MX2: variants seen among roughly 807,000 people sequenced by gnomAD.
The protein encoded by MX2 is interferon-induced GTP-binding protein Mx2.
In MX2, 51 loss-of-function variants were observed where a neutral mutation model predicts 74.0. That is an observed-to-expected ratio of 0.69 (90% confidence interval 0.55 to 0.87). The LOEUF is 0.87. Among genes scored for constraint, MX2 ranks in the 40% least tolerant of loss-of-function variants. The pLI is 0.00. For missense variants in MX2, 832 were observed against 908.7 expected (o/e 0.92, Z 1.09); for synonymous variants, 369 against 339.3 (o/e 1.09, Z -0.96).
In MX2 at chr21:41,406,811, G is replaced by A. The variant is rs755688399; in HGVS notation, c.1718G>A (p.Arg573Lys). Residue 573 changes from arginine (R) to lysine (K), a missense_variant, in exon 13 of 14, where the codon AGA (arginine) becomes AAA (lysine). Coordinates refer to ENST00000330714, the MANE Select transcript of MX2 (RefSeq NM_002463.2). ...KAENMIQLQF[R>K]MEQMVFCQDQ... is the part of the protein sequence containing the mutation. ...GAAAACATGATCCAACTTCAGTTCA[G>A]AATGGAGCAGATGGTTTTTTGTCAA... 8.1e-6 allele frequency: 13 copies of A among 1,614,266 alleles called. 1 individual carries two copies. The highest frequency in any genetic ancestry group is 1.0e-5 in the Non-Finnish European group (12 of 1,180,048).
chr21:41,391,934 G>A (rs547026326), intron 6 of MX2, among the ~76,000 whole-genome samples: 4 of 152,150 alleles, frequency 2.6e-5, no homozygotes, highest in Admixed American at 2.0e-4. Flanking sequence ...TCATCACCCA[G>A]GTATCAAGCC....
intron 1 of MX2, chr21:41,365,807 C>T (rs2089260739): frequency 6.6e-6 from 1 of 152,256 alleles, no homozygotes; most frequent in South Asian, 2.1e-4. Context: ...CACCAGACTG[C>T]TTTCCACATG....
chr21:41,362,750 C>CTTTTTTTTTTTTT (rs56903696), intron 1 of MX2, among the ~76,000 whole-genome samples: 2 of 82,166 alleles, frequency 2.4e-5, no homozygotes, highest in South Asian at 5.0e-4. Flanking sequence ...GTTTTTTTTT[C>CTTTTTTTTTTTTT]TTTTTTTTTT....
intron 5 of MX2, chr21:41,389,688 T>C (rs978397764): frequency 1.3e-5 from 2 of 152,238 alleles, no homozygotes; most frequent in Admixed American, 1.3e-4. Context: ...TCTTCTGTGT[T>C]GTCAGCTCGG....
intron 10 of MX2, 70 bp downstream of exon 10, chr21:41,399,407 A>ACTTATCATG: frequency 6.6e-7 from 1 of 1,505,294 alleles, no homozygotes; most frequent in Non-Finnish European, 9.0e-7. Flanking sequence ...TGTCCAGCAC[A>ACTTATCATG]TGATAAGTGT....
chr21:41,390,645 C>T lies in MX2; in HGVS notation c.813C>T (p.Ala271=), dbSNP rs1277764354. Reference sequence around the variant, plus strand: ...TGGTTCCCTGTAACGTGGACATTGCCACCACGGAGGCGCTGAGCATGGCCC... The same window carrying T: ...TGGTTCCCTGTAACGTGGACATTGCTACCACGGAGGCGCTGAGCATGGCCC... ...LVVVPCNVDI[A]TTEALSMAHE... Residue 271 remains alanine (A), a synonymous_variant, in exon 6 of 14, where the codon GCC becomes GCT. Transcript: ENST00000330714. 1 of 1,614,174 alleles carries T rather than the reference C, an allele frequency of 6.2e-7. No individual in the cohort carries two copies. The highest frequency in any genetic ancestry group is 8.5e-7 in the Non-Finnish European group (1 of 1,180,046).
In MX2 at chr21:41,407,013, G is replaced by T; in HGVS notation, c.1905+15G>T. 1 of 1,607,120 alleles carries T rather than the reference G, an allele frequency of 6.2e-7. No homozygotes were observed. Among genetic ancestry groups the T allele is most frequent in the Non-Finnish European group, 8.5e-7 (1 of 1,174,676 alleles). On this transcript the variant is annotated intron_variant, in intron 13 of 13. Transcript: ENST00000330714. ...CCTACTTCTTGGTGAGTTCCCGGCG[G>T]GGCAGGAGCCGTGCTCTCTGAAATT...
At position 41,380,208 on chromosome 21, in the gene MX2, G is replaced by T. The variant is rs77609941; in HGVS notation, c.577+57G>T. On this transcript the variant is annotated intron_variant, in intron 4 of 13. Transcript: ENST00000330714. The surrounding 1 kb of genome is among the most constrained non-coding windows in gnomAD (Gnocchi z 4.3). ...GGCAGCCGCTCCTCTCACTTCCTCGGTTCCTTCTCCTCTTCCTCAAGTCAC... is the reference window on the plus strand; with the variant it reads ...GGCAGCCGCTCCTCTCACTTCCTCGTTTCCTTCTCCTCTTCCTCAAGTCAC... 3.3e-3 allele frequency: 5,323 copies of T among 1,606,684 alleles called. 157 individuals carry two copies. The African/African-American group carries it at 0.06, about 18-fold the overall frequency.
Position 41,388,412 on chromosome 21 carries a change from G to T in MX2, c.733-2153G>T, listed in dbSNP as rs571426754. ...CTTCCCACTGCCCGGTGCTCTGCCC[G>T]CATGGCTCTCCGCAGAGGGCATCCT... On this transcript the variant is annotated intron_variant, in intron 5 of 13. Coordinates refer to ENST00000330714, the MANE Select transcript of MX2 (RefSeq NM_002463.2). The surrounding 1 kb of genome is among the most constrained non-coding windows in gnomAD (Gnocchi z 4.0). 2.0e-4 allele frequency among the ~76,000 whole-genome samples: 30 copies of T among 152,260 alleles called. No homozygotes were observed. Among genetic ancestry groups the T allele is most frequent in the Admixed American group, 1.0e-3 (16 of 15,286 alleles).
intron 5 of MX2, chr21:41,390,289 G>A: frequency 2.4e-6 from 1 of 416,170 alleles, no homozygotes. Flanking sequence ...GATCTAGAGG[G>A]GAGGGAGGGG....
chr21:41,388,911 G>C lies in MX2; in HGVS notation c.733-1654G>C, dbSNP rs868842417. 1.3e-5 allele frequency among the ~76,000 whole-genome samples: 2 copies of C among 152,282 alleles called. No homozygotes were observed. Among genetic ancestry groups the C allele is most frequent in the African/African-American group, 4.8e-5 (2 of 41,554 alleles). On this transcript the variant is annotated intron_variant, in intron 5 of 13. Coordinates refer to ENST00000330714, the MANE Select transcript of MX2 (RefSeq NM_002463.2). The surrounding 1 kb of genome is among the most constrained non-coding windows in gnomAD (Gnocchi z 4.0). ...GTGGTTTGGATGCTACCGGTATCCAGTGGGTAAAGGCCACAGAGTCTGCTG... is the reference window on the plus strand; with the variant it reads ...GTGGTTTGGATGCTACCGGTATCCACTGGGTAAAGGCCACAGAGTCTGCTG...
chr21:41,382,380 T>C (rs776486475), intron 4 of MX2, 30 bp from the exon 5 acceptor site: 11 of 1,607,440 alleles, frequency 6.8e-6, no homozygotes, highest in Non-Finnish European at 9.4e-6. Context: ...TAATGAGGGC[T>C]CTGGGTTTCT....
chr21:41,365,127 G>A (rs975840691), intron 1 of MX2: 8 of 152,228 alleles, frequency 5.3e-5, no homozygotes, highest in African/African-American at 1.9e-4. Context: ...CTTTGCAGAT[G>A]TAATTAAAGA....
chr21:41,403,472 G>A, intron 12 of MX2, 129 bp downstream of exon 12: 6 of 831,632 alleles, frequency 7.2e-6, no homozygotes, highest in Non-Finnish European at 1.2e-5. Context: ...GAGGCTGGCA[G>A]GGCTGGCGGG....
Position 41,402,071 on chromosome 21 carries a change from CATCA to C in MX2, c.1517_1520del (p.His506ArgfsTer50). 6.2e-7 allele frequency: 1 copy of C among 1,614,158 alleles called. No homozygotes were observed. Among genetic ancestry groups the C allele is most frequent in the Non-Finnish European group, 8.5e-7 (1 of 1,180,026 alleles). Reference sequence around the variant, plus strand: ...CTACAAGACATTTGAGATCATCGTGCATCAGTACATCCAGCAGCTGGTGGAGCCC... The same window carrying C: ...CTACAAGACATTTGAGATCATCGTGCGTACATCCAGCAGCTGGTGGAGCCC... On this transcript the variant is annotated frameshift_variant, in exon 11 of 14. Transcript: ENST00000330714. LOFTEE classifies it high-confidence loss of function. This position sits in a 1 kb window ranked among gnomAD's most constrained non-coding sequence, Gnocchi z 4.5.
At chr21:41,401,853 A>G in intron 10 of MX2, 117 bp from the exon 11 acceptor site, 2 of 1,127,222 alleles carry the variant, frequency 1.8e-6, no homozygotes, top group Non-Finnish European at 2.5e-6. Flanking sequence ...ACAAAACTCC[A>G]CTTTGCAACA....
rs1054211036 is a variant in MX2 at position 41,406,753 on chromosome 21, G to A, written c.1660G>A (p.Glu554Lys). The A allele has an allele frequency of 5.0e-6, 8 of 1,613,838 alleles. No homozygotes were observed. Among genetic ancestry groups the A allele is most frequent in the Non-Finnish European group, 6.8e-6 (8 of 1,179,930 alleles). ...TTTTTTATCTAACCAGAGCACGATT[G>A]AAGACATAAAAGTGAAACACACAGC... ...NLNQTVQSTIEDIKVKHTAKA... is the reference protein window; with the variant it reads ...NLNQTVQSTIKDIKVKHTAKA... Residue 554 changes from glutamate (E) to lysine (K), a missense_variant, in exon 13 of 14, where the codon GAA becomes AAA. Transcript: ENST00000330714.
chr21:41,372,694 A>G (rs939942806), intron 1 of MX2, among the ~76,000 whole-genome samples: 4 of 152,218 alleles, frequency 2.6e-5, no homozygotes, highest in African/African-American at 9.6e-5. Flanking sequence ...CACAGATATC[A>G]TAAATCCTCT....
chr21:41,392,495 G>A (rs1311227339), intron 6 of MX2, among the ~76,000 whole-genome samples: 1 of 152,196 alleles, frequency 6.6e-6, no homozygotes, highest in Non-Finnish European at 1.5e-5. Flanking sequence ...AATGGTGGTT[G>A]CCCAAGACTG....
Sources: allele counts gnomAD v4.1 joint callset (sites outside exome capture counted in the v4.1 genomes callset), GRCh38; gene constraint gnomAD v4.1.1; non-coding constraint Gnocchi (gnomAD v3.1); transcripts MANE v1.5; gene names NCBI Gene and HGNC (gene_info 2026-07-23, HGNC 2026-07-21).